The following SH3RF3 variants were observed in gnomAD, a reference collection of about 807,000 sequenced individuals.
The protein encoded by SH3RF3 is SH3 domain containing ring finger 3, also known as E3 ubiquitin-protein ligase SH3RF3.
A neutral mutation model predicts 66.3 loss-of-function variants in SH3RF3; 29 were observed. That is an observed-to-expected ratio of 0.44 (90% CI 0.33 to 0.60). The LOEUF (loss-of-function observed/expected upper bound fraction) is 0.60, where lower values mean the gene tolerates loss of function less well. SH3RF3 is among the 20% of genes least tolerant of loss of function. The pLI is 0.04. For missense variants in SH3RF3, 1,194 were observed against 1,190.9 expected (o/e 1.00, Z -0.04); for synonymous variants, 583 against 532.0 (o/e 1.10, Z -1.32).
intron 9 of SH3RF3, among the ~76,000 whole-genome samples, chr2:109,496,964 A>G (rs1448293794): frequency 6.6e-6 from 1 of 152,204 alleles, no homozygotes; most frequent in African/African-American, 2.4e-5. Flanking sequence ...ATGGAGGAAG[A>G]AGCCTCCAGA....
At chr2:109,229,688 A>G (rs1679450792) in intron 1 of SH3RF3, among the ~76,000 whole-genome samples, 1 of 152,192 alleles carries the variant, frequency 6.6e-6, no homozygotes, top group South Asian at 2.1e-4. Flanking sequence ...AAAATAAGAC[A>G]TGGTGACTAC....
At chr2:109,230,298 A>G (rs1432076459) in intron 1 of SH3RF3, among the ~76,000 whole-genome samples, 1 of 152,148 alleles carries the variant, frequency 6.6e-6, no homozygotes, top group Non-Finnish European at 1.5e-5. Context: ...AACCCTGGCC[A>G]GGCATAGTGC....
At chr2:109,201,230 T>A (rs1405386248) in intron 1 of SH3RF3, among the ~76,000 whole-genome samples, 1 of 152,254 alleles carries the variant, frequency 6.6e-6, no homozygotes, top group Non-Finnish European at 1.5e-5. Flanking sequence ...CTTCTGCACT[T>A]AAAAACTCAT....
At chr2:109,435,641 A>T (rs1209277964) in intron 6 of SH3RF3, among the ~76,000 whole-genome samples, 2 of 152,260 alleles carry the variant, frequency 1.3e-5, no homozygotes, top group Non-Finnish European at 1.5e-5. Flanking sequence ...CCATCCTGCC[A>T]TGAGGGCAGA....
At chr2:109,389,984 C>T (rs1004016296) in intron 3 of SH3RF3, among the ~76,000 whole-genome samples, 4 of 152,112 alleles carry the variant, frequency 2.6e-5, no homozygotes, top group South Asian at 4.2e-4. Context: ...CTAAGATCTG[C>T]GATTTCTAAG....
intron 4 of SH3RF3, among the ~76,000 whole-genome samples, chr2:109,405,653 C>T (rs1676434752): frequency 6.6e-6 from 1 of 152,226 alleles, no homozygotes; most frequent in South Asian, 2.1e-4. Context: ...TCCTGCCCGC[C>T]CTTCCAGACC....
chr2:109,468,902 G>A (rs1158387765), intron 8 of SH3RF3, among the ~76,000 whole-genome samples: 1 of 150,454 alleles, frequency 6.6e-6, no homozygotes, highest in East Asian at 1.9e-4. Context: ...GCTTCTCATG[G>A]TGACGTTTTC....
Position 109,398,577 on chromosome 2 carries a change from C to G in SH3RF3, c.946-13C>G. 1 of 1,539,272 alleles carries G rather than the reference C, an allele frequency of 6.5e-7. No homozygotes were observed. Among genetic ancestry groups the G allele is most frequent in the African/African-American group, 1.4e-5 (1 of 73,214 alleles). ...GATTTAATGCAGCCTCCCCTCTCCC[C>G]TTTCTCACTCAGCTCAATGACTCCG... On this transcript the variant is annotated splice_polypyrimidine_tract_variant and intron_variant, in intron 3 of 9. Coordinates refer to ENST00000309415, the MANE Select transcript of SH3RF3 (RefSeq NM_001099289.3).
At chr2:109,469,151 G>C (rs965300811) in intron 8 of SH3RF3, among the ~76,000 whole-genome samples, 3 of 152,142 alleles carry the variant, frequency 2.0e-5, no homozygotes, top group African/African-American at 7.2e-5. Flanking sequence ...CCAAGAATGC[G>C]GGCCCCCTGC....
chr2:109,236,359 C>T (rs1353163909), intron 1 of SH3RF3, among the ~76,000 whole-genome samples: 1 of 152,106 alleles, frequency 6.6e-6, no homozygotes, highest in Non-Finnish European at 1.5e-5. Context: ...TGCGAGCATC[C>T]CAGTGAAGCA....
intron 1 of SH3RF3, among the ~76,000 whole-genome samples, chr2:109,292,270 A>G (rs1485840383): frequency 6.6e-6 from 1 of 152,264 alleles, no homozygotes; most frequent in Non-Finnish European, 1.5e-5. Flanking sequence ...TAAATAGGAA[A>G]TAAAAGTTGC....
chr2:109,232,511 A>G (rs1232114633), intron 1 of SH3RF3, among the ~76,000 whole-genome samples: 1 of 152,176 alleles, frequency 6.6e-6, no homozygotes, highest in African/African-American at 2.4e-5. Flanking sequence ...CTGAGGGGGA[A>G]ATGAAACAGC....
chr2:109,349,031 C>G (rs556019716), intron 2 of SH3RF3, among the ~76,000 whole-genome samples: 2 of 152,188 alleles, frequency 1.3e-5, no homozygotes, highest in Non-Finnish European at 2.9e-5. Context: ...CTCTCTCTCT[C>G]TCTCTCACAC....
chr2:109,292,329 A>C (rs1036428853), intron 1 of SH3RF3, among the ~76,000 whole-genome samples: 2 of 152,206 alleles, frequency 1.3e-5, no homozygotes, highest in African/African-American at 2.4e-5. Context: ...GGGGTTCCAC[A>C]TATGTGTTTG....
At chr2:109,247,894 G>T (rs1172892267) in intron 1 of SH3RF3, among the ~76,000 whole-genome samples, 1 of 152,198 alleles carries the variant, frequency 6.6e-6, no homozygotes, top group Non-Finnish European at 1.5e-5. Context: ...GCGTCTTCAT[G>T]TGGTGGACTG....
intron 9 of SH3RF3, among the ~76,000 whole-genome samples, chr2:109,496,297 G>T (rs1424202209): frequency 6.6e-6 from 1 of 152,192 alleles, no homozygotes; most frequent in African/African-American, 2.4e-5. Context: ...GCTGATTGGT[G>T]CATTTTACAG....
At chr2:109,382,000 G>A (rs756198044) in intron 3 of SH3RF3, among the ~76,000 whole-genome samples, 3 of 152,118 alleles carry the variant, frequency 2.0e-5, no homozygotes, top group Non-Finnish European at 4.4e-5. Context: ...TGAACTATAG[G>A]ACACAAAGAC....
At chr2:109,130,506 T>C (rs548496071) in intron 1 of SH3RF3, among the ~76,000 whole-genome samples, 6 of 152,258 alleles carry the variant, frequency 3.9e-5, no homozygotes, top group Admixed American at 3.9e-4. Flanking sequence ...AGTTAGCCCT[T>C]AACGTTTCTG....
intron 8 of SH3RF3, among the ~76,000 whole-genome samples, chr2:109,482,893 A>G (rs2104768528): frequency 6.6e-6 from 1 of 152,308 alleles, no homozygotes; most frequent in Non-Finnish European, 1.5e-5. Flanking sequence ...TGCTATTTTC[A>G]TGAACCAATT....
Sources: gnomAD v4.1 joint callset for allele counts (sites outside exome capture counted in the v4.1 genomes callset) on GRCh38, gnomAD v4.1.1 for gene constraint, MANE v1.5 for transcripts, NCBI Gene and HGNC (gene_info 2026-07-23, HGNC 2026-07-21) for gene names.